Variants in RANBP3L observed in about 807,000 individuals in gnomAD.
RANBP3L encodes ran-binding protein 3-like.
In RANBP3L, 56 loss-of-function variants were observed where a neutral mutation model predicts 67.2. That is an observed-to-expected ratio of 0.83 (90% CI 0.67 to 1.04). The LOEUF (loss-of-function observed/expected upper bound fraction) is 1.04. Among genes scored for constraint, RANBP3L ranks in the 50% least tolerant of loss-of-function variants. The pLI is 0.00. For synonymous variants in RANBP3L, 164 were observed against 181.4 expected (o/e 0.90, Z 0.77); for missense variants, 496 against 535.5 (o/e 0.93, Z 0.73).
At position 36,289,996 on chromosome 5, in the gene RANBP3L, G is replaced by A. The variant is rs993010562; in HGVS notation, c.91+11330C>T. Among the ~76,000 whole-genome samples, 12 of 152,186 alleles carry A rather than the reference G, an allele frequency of 7.9e-5. No individual in the cohort carries two copies. The East Asian group carries it at 2.1e-3, about 27-fold the overall frequency. On this transcript the variant is annotated intron_variant, in intron 1 of 13. Transcript: ENST00000296604. ...AGGAAAATGTGCAATCTTCTACATC[G>A]AGTAGTGTTAGCTGCTGGGTTTCTT...
intron 4 of RANBP3L, chr5:36,268,279 T>C (rs1221117909): frequency 1.3e-6 from 2 of 1,515,032 alleles, no homozygotes; most frequent in Non-Finnish European, 1.8e-6. Context: ...TAAAAGCAGA[T>C]TGCAAACTAA....
chr5:36,251,166 C>T (rs1748561104), intron 13 of RANBP3L, 147 bp downstream of exon 13: 4 of 553,708 alleles, frequency 7.2e-6, no homozygotes, highest in Non-Finnish European at 1.2e-5. Context: ...TTCAAACCCA[C>T]TCCTCAGATC....
intron 4 of RANBP3L, among the ~76,000 whole-genome samples, chr5:36,269,106 G>A (rs1423075220): frequency 1.3e-5 from 2 of 152,070 alleles, no homozygotes; most frequent in Non-Finnish European, 2.9e-5. Context: ...AGAGGCATGG[G>A]GTACAGGGAG....
intron 1 of RANBP3L, among the ~76,000 whole-genome samples, chr5:36,300,759 T>C (rs1316108248): frequency 1.3e-5 from 2 of 152,128 alleles, no homozygotes; most frequent in Non-Finnish European, 2.9e-5. Context: ...AAAAGACTGA[T>C]GGTGAAAATG....
At chr5:36,278,043 AC>A (rs1750720714) in intron 1 of RANBP3L, among the ~76,000 whole-genome samples, 1 of 152,098 alleles carries the variant, frequency 6.6e-6, no homozygotes, top group African/African-American at 2.4e-5. Context: ...ATAATTTCCC[AC>A]TGGGTCCCTC....
chr5:36,293,394 T>C (rs2112129736), intron 1 of RANBP3L, among the ~76,000 whole-genome samples: 1 of 145,254 alleles, frequency 6.9e-6, no homozygotes, highest in East Asian at 2.0e-4. Flanking sequence ...ACCCTTTATT[T>C]CCTTCTCCTG....
At chr5:36,289,771 T>C (rs1184600685) in intron 1 of RANBP3L, among the ~76,000 whole-genome samples, 5 of 152,130 alleles carry the variant, frequency 3.3e-5, no homozygotes, top group Non-Finnish European at 7.4e-5. Context: ...TCTAGCATTT[T>C]TTGATAGATT....
At chr5:36,296,468 G>A (rs1474943523) in intron 1 of RANBP3L, among the ~76,000 whole-genome samples, 1 of 152,122 alleles carries the variant, frequency 6.6e-6, no homozygotes, top group Non-Finnish European at 1.5e-5. Context: ...CCATGGAGAA[G>A]TTTCTCTAGT....
Position 36,248,565 on chromosome 5 carries a change from T to G in RANBP3L, c.*1089A>C, listed in dbSNP as rs1361443008. 1 of 152,214 alleles carries G rather than the reference T, an allele frequency of 6.6e-6. No individual in the cohort carries two copies. Among genetic ancestry groups the G allele is most frequent in the East Asian group, 1.9e-4 (1 of 5,202 alleles). 9.4% of individuals were successfully genotyped at this position (152,214 alleles called of 1,614,324 possible). A position where few individuals can be genotyped will look rare whatever the true frequency, so the allele number is the denominator to read the frequency against. On this transcript the variant is annotated 3_prime_UTR_variant, in exon 14 of 14. Coordinates refer to ENST00000296604, the MANE Select transcript of RANBP3L (RefSeq NM_145000.5). ...TCTTCGAAGCATCACTTAGTGAAAT[T>G]ACGCCCTCATTCCAAATATGTTGTC...
intron 9 of RANBP3L, 55 bp from the exon 10 acceptor site, chr5:36,257,126 A>G: frequency 6.6e-7 from 1 of 1,511,662 alleles, no homozygotes; most frequent in Non-Finnish European, 9.0e-7. Flanking sequence ...CTACTGTGAA[A>G]GTTCTTTGTT....
At position 36,285,940 on chromosome 5, in the gene RANBP3L, T is replaced by C. The variant is rs114047664; in HGVS notation, c.92-14629A>G. On this transcript the variant is annotated intron_variant, in intron 1 of 13. Transcript: ENST00000296604. ...AGAATCTGGCAAGACCTGTACCCTGTACTTTTAAGTACAGTGCCCAAAGCT... is the reference window on the plus strand; with the variant it reads ...AGAATCTGGCAAGACCTGTACCCTGCACTTTTAAGTACAGTGCCCAAAGCT... Among the ~76,000 whole-genome samples, 542 of 152,328 alleles carry C rather than the reference T, an allele frequency of 3.6e-3. 2 individuals carry two copies. Among genetic ancestry groups the C allele is most frequent in the Middle Eastern group, 0.02 (6 of 294 alleles).
rs1314340909 is a variant in RANBP3L, at chr5:36,253,647, C to T, written c.1167G>A (p.Gln389=). The T allele has an allele frequency of 6.3e-7, 1 of 1,597,222 alleles. No homozygotes were observed. Among genetic ancestry groups the T allele is most frequent in the Non-Finnish European group, 8.6e-7 (1 of 1,165,584 alleles). The change falls in exon 12 of 14, where the codon CAG becomes CAA. Residue 389 remains glutamine, a splice_region_variant and synonymous_variant. Coordinates refer to ENST00000296604, the MANE Select transcript of RANBP3L (RefSeq NM_145000.5). The stretch of plus-strand genomic sequence containing the variant: ...TCTATCACTGAAATTTCTCCCTTAC[C>T]TGAATTAAAAATATTTTGATGCTAT... The part of the protein sequence containing the change: ...EDYSIKIFLI[Q]ASAQDTAYLY...
rs185533603 is a variant in RANBP3L at position 36,288,829 on chromosome 5, G to A, written c.91+12497C>T. On this transcript the variant is annotated intron_variant, in intron 1 of 13. Transcript: ENST00000296604. Reference sequence around the variant, plus strand: ...TAAATCAAATTGTTTATCATGAGCTGTAAGAGTTTTTAACATATTCTGATT... The same window carrying A: ...TAAATCAAATTGTTTATCATGAGCTATAAGAGTTTTTAACATATTCTGATT... Among the ~76,000 whole-genome samples the A allele has an allele frequency of 1.9e-3, 296 of 151,830 alleles. 2 individuals are homozygous for A. The highest frequency in any genetic ancestry group is 0.015 in the South Asian group (74 of 4,804).
chr5:36,253,739 C>T lies in RANBP3L; in HGVS notation c.1075G>A (p.Ala359Thr). The T allele has an allele frequency of 6.2e-7, 1 of 1,612,950 alleles. No homozygotes were observed. The highest frequency in any genetic ancestry group is 8.5e-7 in the Non-Finnish European group (1 of 1,179,158). ...LRLILNSKLWAQMKIQRANHK... is the reference protein window; with the variant it reads ...LRLILNSKLWTQMKIQRANHK... ...TTTGCTCTTTGAATCTTCATTTGGG[C>T]CCAGAGTTTGCTGTTGAGGATCAGC... The change falls in exon 12 of 14, where the codon GCC becomes ACC. Residue 359 changes from alanine to threonine, a missense_variant. Physicochemically the swap from Ala to Thr is moderately conservative, Grantham distance 58. Transcript: ENST00000296604.
At chr5:36,292,349 T>C (rs527907292) in intron 1 of RANBP3L, among the ~76,000 whole-genome samples, 133 of 151,978 alleles carry the variant, frequency 8.8e-4, no homozygotes, top group East Asian at 5.0e-3. Context: ...ATTTTGTAGG[T>C]TGCCTGTTCA....
intron 1 of RANBP3L, among the ~76,000 whole-genome samples, chr5:36,274,410 GTGA>G (rs1750432550): frequency 6.6e-6 from 1 of 152,054 alleles, no homozygotes; most frequent in African/African-American, 2.4e-5. Flanking sequence ...TCCAGGAGAG[GTGA>G]TATTTAGACA....
chr5:36,297,638 C>T (rs555893239), intron 1 of RANBP3L, among the ~76,000 whole-genome samples: 1 of 152,254 alleles, frequency 6.6e-6, no homozygotes, highest in South Asian at 2.1e-4. Context: ...GCTGTATAGA[C>T]ATGTAAATTA....
At chr5:36,261,247 C>T (rs183192686) in intron 7 of RANBP3L, among the ~76,000 whole-genome samples, 57 of 152,284 alleles carry the variant, frequency 3.7e-4, no homozygotes, top group Admixed American at 7.2e-4. Context: ...AGGGCAAAAG[C>T]GAAACCCTGT....
At chr5:36,291,474 A>G (rs911461094) in intron 1 of RANBP3L, among the ~76,000 whole-genome samples, 13 of 151,782 alleles carry the variant, frequency 8.6e-5, no homozygotes. Context: ...ATGTATACAT[A>G]TGCCATGCTG....
Sources: allele counts gnomAD v4.1 joint callset (sites outside exome capture counted in the v4.1 genomes callset), GRCh38; gene constraint gnomAD v4.1.1; transcripts MANE v1.5; gene names NCBI Gene and HGNC (gene_info 2026-07-23, HGNC 2026-07-21).